SUCLG2: variants seen among roughly 807,000 people sequenced by gnomAD.
The protein encoded by SUCLG2 is succinate-CoA ligase GDP-forming subunit beta, also known as succinate--CoA ligase [GDP-forming] subunit beta, mitochondrial.
SUCLG2 carries 42 observed loss-of-function variants against 47.9 expected under a neutral mutation model. That is an observed-to-expected ratio of 0.88 (90% CI 0.69 to 1.14). The LOEUF (loss-of-function observed/expected upper bound fraction) is 1.14, where lower values mean the gene tolerates loss of function less well. SUCLG2 is among the 50% of genes most tolerant of loss of function. The pLI, the probability that SUCLG2 is intolerant of heterozygous loss-of-function variation, is 0.00. For missense variants in SUCLG2, 571 were observed against 525.9 expected, an observed-to-expected ratio of 1.09 and a Z score of -0.84; for synonymous variants, 195 against 197.3, an observed-to-expected ratio of 0.99 and a Z score of 0.10.
intron 1 of SUCLG2, among the ~76,000 whole-genome samples, chr3:67,634,883 C>T (rs182171923): frequency 6.6e-6 from 1 of 152,294 alleles, no homozygotes; most frequent in East Asian, 1.9e-4. Flanking sequence ...TCATACTAAC[C>T]AATCTTCCTT....
intron 1 of SUCLG2, among the ~76,000 whole-genome samples, chr3:67,612,178 G>A (rs889027810): frequency 6.6e-6 from 1 of 152,124 alleles, no homozygotes; most frequent in Admixed American, 6.6e-5. Context: ...GGGCAACATA[G>A]TGAGACCCTG....
chr3:67,599,672 C>T (rs1002424715), intron 2 of SUCLG2, among the ~76,000 whole-genome samples: 1 of 151,684 alleles, frequency 6.6e-6, no homozygotes, highest in Non-Finnish European at 1.5e-5. Context: ...TTTCCTCTGC[C>T]CCATGCTGAA....
At chr3:67,555,808 G>T (rs959934525) in intron 2 of SUCLG2, among the ~76,000 whole-genome samples, 6 of 152,300 alleles carry the variant, frequency 3.9e-5, no homozygotes, top group African/African-American at 1.4e-4. Flanking sequence ...CTGGTGGGTG[G>T]AAGGTAGACA....
intron 10 of SUCLG2, among the ~76,000 whole-genome samples, chr3:67,398,310 A>C (rs1335337597): frequency 6.6e-6 from 1 of 151,034 alleles, no homozygotes; most frequent in Non-Finnish European, 1.5e-5. Context: ...CAATGAACTC[A>C]AACAAATTTA....
intron 1 of SUCLG2, among the ~76,000 whole-genome samples, chr3:67,641,374 A>C (rs1243912995): frequency 6.6e-6 from 1 of 152,228 alleles, no homozygotes; most frequent in African/African-American, 2.4e-5. Context: ...AAAAGCATGC[A>C]TCTCCAGCAA....
intron 2 of SUCLG2, among the ~76,000 whole-genome samples, chr3:67,576,197 G>A (rs1454514666): frequency 1.3e-5 from 2 of 152,182 alleles, no homozygotes. Flanking sequence ...GTAGCAAACA[G>A]ATAACACAGG....
chr3:67,635,730 T>C (rs2107359442), intron 1 of SUCLG2, among the ~76,000 whole-genome samples: 2 of 152,278 alleles, frequency 1.3e-5, no homozygotes, highest in East Asian at 3.9e-4. Context: ...ACAGGTTTTC[T>C]ACCGGAGTTT....
intron 1 of SUCLG2, among the ~76,000 whole-genome samples, chr3:67,624,230 T>C (rs1340196527): frequency 7.2e-5 from 11 of 152,238 alleles, no homozygotes; most frequent in Admixed American, 7.2e-4. Flanking sequence ...CAAGTTTGCC[T>C]GTCACACTGG....
chr3:67,405,092 T>G (rs1318843757), intron 9 of SUCLG2, among the ~76,000 whole-genome samples: 1 of 151,974 alleles, frequency 6.6e-6, no homozygotes, highest in Non-Finnish European at 1.5e-5. Flanking sequence ...GTGAGAATTA[T>G]GAGGGTTGCT....
intron 2 of SUCLG2, among the ~76,000 whole-genome samples, chr3:67,552,172 CAAAAAAAAAAAAA>C (rs55687048): frequency 2.3e-4 from 17 of 75,494 alleles, no homozygotes; most frequent in African/African-American, 5.0e-4. Context: ...AACTCCATCT[CAAAAAAAAAAAAA>C]AAAAAAAGAA....
At chr3:67,537,332 T>C (rs761390737) in intron 2 of SUCLG2, among the ~76,000 whole-genome samples, 3 of 152,210 alleles carry the variant, frequency 2.0e-5, no homozygotes, top group Non-Finnish European at 4.4e-5. Context: ...TGGTTTACTG[T>C]TCCTGTGTTA....
At chr3:67,654,068 G>T (rs942875572) in intron 1 of SUCLG2, among the ~76,000 whole-genome samples, 1 of 152,202 alleles carries the variant, frequency 6.6e-6, no homozygotes, top group South Asian at 2.1e-4. Context: ...GGGCTGAAAC[G>T]GGTTTCCAGG....
rs551952464 is a variant in SUCLG2, at chr3:67,625,028, G to T, written c.85-15432C>A. ...ATACTATACCCTCTTAAAATCAGAG[G>T]AGCCGAAGAACCTAAGAAACATCAA... is the stretch of plus-strand genomic sequence containing the variant. On this transcript the variant is annotated intron_variant, in intron 1 of 10. Coordinates refer to ENST00000307227, the MANE Select transcript of SUCLG2 (RefSeq NM_003848.4). 2.3e-3 allele frequency among the ~76,000 whole-genome samples: 345 copies of T among 152,278 alleles called. 1 individual carries two copies. Among genetic ancestry groups the T allele is most frequent in the Middle Eastern group, 0.014 (4 of 294 alleles).
chr3:67,654,123 A>T (rs1701338251), intron 1 of SUCLG2, among the ~76,000 whole-genome samples: 1 of 152,234 alleles, frequency 6.6e-6, no homozygotes, highest in South Asian at 2.1e-4. Flanking sequence ...TAGTGCCAGA[A>T]GTTTGAAAAG....
intron 9 of SUCLG2, 108 bp from the exon 10 acceptor site, chr3:67,400,959 G>A: frequency 6.7e-7 from 1 of 1,501,944 alleles, no homozygotes; most frequent in African/African-American, 1.4e-5. Context: ...TCGTTTTTTT[G>A]TTTTTGTTTT....
chr3:67,517,254 T>G (rs188497429), intron 6 of SUCLG2, among the ~76,000 whole-genome samples: 1 of 152,338 alleles, frequency 6.6e-6, no homozygotes, highest in African/African-American at 2.4e-5. Context: ...TATCCCTCTT[T>G]GACTTGCCTA....
At chr3:67,371,432 C>G (rs903360926), downstream of SUCLG2, among the ~76,000 whole-genome samples, 2 of 152,180 alleles carry the variant, frequency 1.3e-5, no homozygotes, top group Non-Finnish European at 2.9e-5. Context: ...GTGCCTCCAG[C>G]CTTTATCTCT....
At chr3:67,532,998 A>C (rs1706442966) in intron 2 of SUCLG2, among the ~76,000 whole-genome samples, 1 of 152,226 alleles carries the variant, frequency 6.6e-6, no homozygotes, top group Non-Finnish European at 1.5e-5. Context: ...TCATTAAGAA[A>C]AGCATAATCT....
intron 1 of SUCLG2, among the ~76,000 whole-genome samples, chr3:67,617,689 T>C (rs904076760): frequency 6.6e-6 from 1 of 152,186 alleles, no homozygotes; most frequent in East Asian, 1.9e-4. Flanking sequence ...ACCTACCCTA[T>C]GGATGGCAGA....
Sources: allele counts gnomAD v4.1 joint callset (sites outside exome capture counted in the v4.1 genomes callset), GRCh38; gene constraint gnomAD v4.1.1; transcripts MANE v1.5; gene names NCBI Gene and HGNC (gene_info 2026-07-23, HGNC 2026-07-21).